The following KRTAP10-6 variants were observed in gnomAD, a reference collection of about 807,000 sequenced individuals.
The protein encoded by KRTAP10-6 is keratin associated protein 10-6, also known as keratin-associated protein 10-6.
KRTAP10-6 carries 1 observed loss-of-function variant against 0.5 expected under a neutral mutation model. That is an observed-to-expected ratio of 1.92 (90% CI 0.68 to 9.09). The LOEUF is 9.09. KRTAP10-6 is among the 30% of genes most tolerant of loss of function. KRTAP10-6 has a pLI of 0.13. For synonymous variants in KRTAP10-6, 136 were observed against 196.5 expected, an observed-to-expected ratio of 0.69 and a Z score of 2.58; for missense variants, 337 against 464.2, an observed-to-expected ratio of 0.73 and a Z score of 2.52.
chr21:44,592,471 G>T lies in KRTAP10-6; in HGVS notation c.14C>A (p.Thr5Asn), dbSNP rs1980042362. ...CAGGTCGCTGGAGCAGACGGACATGGTGGACGCGGCCATGCTGGGGTTGAA... is the reference window on the plus strand; with the variant it reads ...CAGGTCGCTGGAGCAGACGGACATGTTGGACGCGGCCATGCTGGGGTTGAA... MAAS[T>N]MSVCSSDLSY... Residue 5 changes from threonine to asparagine, a missense_variant, in exon 1 of 1, where the codon ACC (threonine) becomes AAC (asparagine). By Grantham distance (65) the Thr-to-Asn change is moderately conservative (BLOSUM62 0). Around this residue, in one of 3 missense-constraint regions of KRTAP10-6, gnomAD observed 32 missense variants for 30.6 expected, o/e 1.04. Coordinates refer to ENST00000400368, the MANE Select transcript of KRTAP10-6 (RefSeq NM_198688.3). 1 of 1,610,784 alleles carries T rather than the reference G, an allele frequency of 6.2e-7. No homozygotes were observed. The highest frequency in any genetic ancestry group is 1.1e-5 in the South Asian group (1 of 90,524).
rs1979802268 is a variant in KRTAP10-6, at chr21:44,591,286, C to T, written c.*101G>A. The T allele has an allele frequency of 6.7e-7, 1 of 1,482,108 alleles. No homozygotes were observed. The allele number at this position is 1,482,108 out of a possible 1,614,324, so 91.8% of individuals were successfully genotyped here. A position where few individuals can be genotyped will look rare whatever the true frequency, so the allele number is the denominator to read the frequency against. On this transcript the variant is annotated 3_prime_UTR_variant, in exon 1 of 1. Coordinates refer to ENST00000400368, the MANE Select transcript of KRTAP10-6 (RefSeq NM_198688.3). ...TGGTCCCTAAGACAAAGAGCCTGCC[C>T]CATCTTCTGAGGGTGTCAAAGCCAG...
Position 44,591,899 on chromosome 21 carries a change from A to G in KRTAP10-6, c.586T>C (p.Cys196Arg), listed in dbSNP as rs782429888. The stretch of plus-strand genomic sequence containing the variant: ...CAGGAGCTGGTGCAGCCTGATTGGC[A>G]GGGGCTGGGCTCACAGACCGCCTGG... The part of the protein sequence containing the change: ...CCQAVCEPSP[C>R]QSGCTSSCTP... The change falls in exon 1 of 1, where the codon TGC becomes CGC. Residue 196 changes from cysteine (C) to arginine (R), a missense_variant. Physicochemically the swap from Cys to Arg is radical, Grantham distance 180. Transcript: ENST00000400368. 1 of 1,603,880 alleles carries G rather than the reference A, an allele frequency of 6.2e-7. No individual in the cohort carries two copies. Among genetic ancestry groups the G allele is most frequent in the East Asian group, 2.3e-5 (1 of 44,170 alleles).
In KRTAP10-6 at chr21:44,591,913, C is replaced by G. The variant is rs1979922781; in HGVS notation, c.572G>C (p.Cys191Ser). Residue 191 changes from cysteine to serine, a missense_variant, in exon 1 of 1, where the codon TGT (cysteine) becomes TCT (serine). Physicochemically the swap from Cys to Ser is moderately radical, Grantham distance 112. Transcript: ENST00000400368. ...CVSSPCCQAV[C>S]EPSPCQSGCT... ...GCCTGATTGGCAGGGGCTGGGCTCACAGACCGCCTGGCAGCAGGGGCTGGA... is the reference window on the plus strand; with the variant it reads ...GCCTGATTGGCAGGGGCTGGGCTCAGAGACCGCCTGGCAGCAGGGGCTGGA... 3.1e-6 allele frequency: 5 copies of G among 1,606,490 alleles called. No individual in the cohort carries two copies. Among genetic ancestry groups the G allele is most frequent in the Admixed American group, 1.7e-5 (1 of 59,160 alleles).
In KRTAP10-6 at chr21:44,592,259, G is replaced by A. The variant is rs782514096; in HGVS notation, c.226C>T (p.Pro76Ser). The A allele has an allele frequency of 1.3e-6, 2 of 1,591,498 alleles. No individual in the cohort carries two copies. The highest frequency in any genetic ancestry group is 2.2e-5 in the South Asian group (2 of 90,048). Residue 76 changes from proline (P) to serine (S), a missense_variant, in exon 1 of 1, where the codon CCC becomes TCC. Physicochemically the swap from Pro to Ser is moderately conservative, Grantham distance 74. Transcript: ENST00000400368. ...GAGCTGGTGCAGCCTGATTGGCAGG[G>A]GCTGGGCTCACAGGTCACTGGGCAG... ...PCCPVTCEPS[P>S]CQSGCTSSCT...
Position 44,592,449 on chromosome 21 carries a change from G to C in KRTAP10-6, c.36C>G (p.Asp12Glu), listed in dbSNP as rs145062212. 1 of 1,611,458 alleles carries C rather than the reference G, an allele frequency of 6.2e-7. No homozygotes were observed. Among genetic ancestry groups the C allele is most frequent in the South Asian group, 1.1e-5 (1 of 90,680 alleles). Residue 12 changes from aspartate (D) to glutamate (E), a missense_variant, in exon 1 of 1, where the codon GAC becomes GAG. Asp to Glu is a conservative substitution (Grantham distance 45). Transcript: ENST00000400368. ...GGCAGACGCGGCTGCCGTAGCTCAG[G>C]TCGCTGGAGCAGACGGACATGGTGG... ...AASTMSVCSSDLSYGSRVCLP... is the reference protein window; with the variant it reads ...AASTMSVCSSELSYGSRVCLP...
Position 44,591,586 on chromosome 21 carries a change from G to T in KRTAP10-6, c.899C>A (p.Ser300Tyr). 1.2e-6 allele frequency: 2 copies of T among 1,613,174 alleles called. No individual in the cohort carries two copies. Among genetic ancestry groups the T allele is most frequent in the Non-Finnish European group, 1.7e-6 (2 of 1,179,502 alleles). Residue 300 changes from serine to tyrosine, a missense_variant, in exon 1 of 1, where the codon TCC becomes TAC. Physicochemically the swap from Ser to Tyr is moderately radical, Grantham distance 144. Transcript: ENST00000400368. ...PACCTASCCR[S>Y]SSSVSLLCHP... ...GCAGAGGAGGGACACGGAGGAGGAG[G>T]ATCTGCAGCAGGAGGCGGTGCAGCA... is the stretch of plus-strand genomic sequence containing the variant.
rs73907038 is a variant in KRTAP10-6 at position 44,592,490 on chromosome 21, G to A, written c.-6C>T. 6,874 of 1,604,068 alleles carry A rather than the reference G, an allele frequency of 4.3e-3. 250 individuals are homozygous for A. The African/African-American group carries it at 0.081, about 19-fold the overall frequency. On this transcript the variant is annotated 5_prime_UTR_variant, in exon 1 of 1. Transcript: ENST00000400368. ...GACATGGTGGACGCGGCCATGCTGGGGTTGAACTGGTGGAGGGTGAGGGAG... is the reference window on the plus strand; with the variant it reads ...GACATGGTGGACGCGGCCATGCTGGAGTTGAACTGGTGGAGGGTGAGGGAG...
Position 44,591,630 on chromosome 21 carries a change from C to T in KRTAP10-6, c.855G>A (p.Gln285=). Residue 285 remains glutamine (Q), a synonymous_variant, in exon 1 of 1, where the codon CAG becomes CAA. Coordinates refer to ENST00000400368, the MANE Select transcript of KRTAP10-6 (RefSeq NM_198688.3). ...CSGASTSCCQ[Q]SSCQPACCTA... is the part of the protein sequence containing the mutation. ...TGCAGCAAGCCGGCTGGCAGCTAGACTGCTGGCAGCATGATGTGGAAGCCC... is the reference window on the plus strand; with the variant it reads ...TGCAGCAAGCCGGCTGGCAGCTAGATTGCTGGCAGCATGATGTGGAAGCCC... 1 of 1,613,774 alleles carries T rather than the reference C, an allele frequency of 6.2e-7. No individual in the cohort carries two copies. The highest frequency in any genetic ancestry group is 1.3e-5 in the African/African-American group (1 of 74,978).
rs1555926856 is a variant in KRTAP10-6 at position 44,592,224 on chromosome 21, G to C, written c.261C>G (p.Pro87=). The C allele has an allele frequency of 1.2e-6, 2 of 1,602,772 alleles. No individual in the cohort carries two copies. The highest frequency in any genetic ancestry group is 2.2e-5 in the East Asian group (1 of 44,590). Residue 87 remains proline (P), a synonymous_variant, in exon 1 of 1, where the codon CCC becomes CCG. Transcript: ENST00000400368. Reference sequence around the variant, plus strand: ...GGCAGCTAGACTGCTGGCAGCACGAGGGCGTGCAGGAGCTGGTGCAGCCTG... The same window carrying C: ...GGCAGCTAGACTGCTGGCAGCACGACGGCGTGCAGGAGCTGGTGCAGCCTG... ...CQSGCTSSCT[P]SCCQQSSCQL... is the part of the protein sequence containing the mutation.
In KRTAP10-6 at chr21:44,591,967, C is replaced by T; in HGVS notation, c.518G>A (p.Cys173Tyr). The T allele has an allele frequency of 6.2e-7, 1 of 1,604,744 alleles. No homozygotes were observed. The highest frequency in any genetic ancestry group is 1.1e-5 in the South Asian group (1 of 90,786). ...PVCSGISSSC[C>Y]QQSSCVSCVS... is the part of the protein sequence containing the mutation. ...ACAGCTCACACAGCTAGACTGCTGG[C>T]AGCACGAAGAGGAAATCCCAGAGCA... Residue 173 changes from cysteine to tyrosine, a missense_variant, in exon 1 of 1, where the codon TGC (cysteine) becomes TAC (tyrosine). Around this residue, in one of 3 missense-constraint regions of KRTAP10-6, gnomAD observed 87 missense variants for 208.2 expected, o/e 0.42. Coordinates refer to ENST00000400368, the MANE Select transcript of KRTAP10-6 (RefSeq NM_198688.3).
At position 44,591,952 on chromosome 21, in the gene KRTAP10-6, C is replaced by G; in HGVS notation, c.533G>C (p.Cys178Ser). The change falls in exon 1 of 1, where the codon TGT (cysteine) becomes TCT (serine). Residue 178 changes from cysteine to serine, a missense_variant. Cys to Ser is a moderately radical substitution (Grantham distance 112, BLOSUM62 -1). This residue lies in a region of KRTAP10-6 where 87 missense variants were observed against 208.2 expected (regional missense o/e 0.42). Transcript: ENST00000400368. ...ISSSCCQQSS[C>S]VSCVSSPCCQ... ...GCAGGGGCTGGACACACAGCTCACA[C>G]AGCTAGACTGCTGGCAGCACGAAGA... 1.2e-6 allele frequency: 2 copies of G among 1,607,308 alleles called. No homozygotes were observed. Among genetic ancestry groups the G allele is most frequent in the Non-Finnish European group, 1.7e-6 (2 of 1,178,800 alleles).
In KRTAP10-6 at chr21:44,591,583, G is replaced by A. The variant is rs1555926565; in HGVS notation, c.902C>T (p.Ser301Phe). The A allele has an allele frequency of 1.2e-6, 2 of 1,613,282 alleles. No individual in the cohort carries two copies. Among genetic ancestry groups the A allele is most frequent in the South Asian group, 2.2e-5 (2 of 90,996 alleles). ...GTGGCAGAGGAGGGACACGGAGGAGGAGGATCTGCAGCAGGAGGCGGTGCA... is the reference window on the plus strand; with the variant it reads ...GTGGCAGAGGAGGGACACGGAGGAGAAGGATCTGCAGCAGGAGGCGGTGCA... ...ACCTASCCRS[S>F]SSVSLLCHPV... is the part of the protein sequence containing the mutation. Residue 301 changes from serine (S) to phenylalanine (F), a missense_variant, in exon 1 of 1, where the codon TCC (serine) becomes TTC (phenylalanine). Ser to Phe is a radical substitution (Grantham distance 155, BLOSUM62 -2). Coordinates refer to ENST00000400368, the MANE Select transcript of KRTAP10-6 (RefSeq NM_198688.3).
Position 44,591,302 on chromosome 21 carries a change from T to A in KRTAP10-6, c.*85A>T. 1 of 1,506,594 alleles carries A rather than the reference T, an allele frequency of 6.6e-7. No individual in the cohort carries two copies. The highest frequency in any genetic ancestry group is 2.2e-5 in the Admixed American group (1 of 46,012). 93.3% of individuals were successfully genotyped at this position (1,506,594 alleles called of 1,614,324 possible). A position where few individuals can be genotyped will look rare whatever the true frequency, so the allele number is the denominator to read the frequency against. ...GAGCCTGCCCCATCTTCTGAGGGTGTCAAAGCCAGAGAGGGCAGAGCTTGC... is the reference window on the plus strand; with the variant it reads ...GAGCCTGCCCCATCTTCTGAGGGTGACAAAGCCAGAGAGGGCAGAGCTTGC... On this transcript the variant is annotated 3_prime_UTR_variant, in exon 1 of 1. Coordinates refer to ENST00000400368, the MANE Select transcript of KRTAP10-6 (RefSeq NM_198688.3).
At chr21:44,592,337 C>CG in the KRTAP10-6 span, 1 of 396,678 alleles carries the variant, frequency 2.5e-6, no homozygotes. Context: ...AGGCAGGGGG[C>CG]CGGGGCGCAG....
rs782444727 is a variant in KRTAP10-6 at position 44,591,950 on chromosome 21, C to T, written c.535G>A (p.Val179Met). ...SSSCCQQSSC[V>M]SCVSSPCCQA... is the part of the protein sequence containing the mutation. The stretch of plus-strand genomic sequence containing the variant: ...CAGCAGGGGCTGGACACACAGCTCA[C>T]ACAGCTAGACTGCTGGCAGCACGAA... The change falls in exon 1 of 1, where the codon GTG becomes ATG. Residue 179 changes from valine to methionine, a missense_variant. Physicochemically the swap from Val to Met is conservative, Grantham distance 21 (BLOSUM62 1). Transcript: ENST00000400368. 9 of 1,599,404 alleles carry T rather than the reference C, an allele frequency of 5.6e-6. No homozygotes were observed. In the East Asian group the frequency reaches 1.8e-4, roughly 32 times the overall value.
In KRTAP10-6 at chr21:44,591,810, C is replaced by T. The variant is rs782122678; in HGVS notation, c.675G>A (p.Gln225=). The T allele has an allele frequency of 1.3e-6, 2 of 1,597,758 alleles. No homozygotes were observed. The highest frequency in any genetic ancestry group is 1.4e-5 in the African/African-American group (1 of 71,048). Residue 225 remains glutamine (Q), a synonymous_variant, in exon 1 of 1, where the codon CAG becomes CAA. Coordinates refer to ENST00000400368, the MANE Select transcript of KRTAP10-6 (RefSeq NM_198688.3). ...QPTCCTSSPC[Q]QACCVPVCCV... ...AGCAGACGGGCACGCAGCAGGCCTG[C>T]TGGCAGGGGGAGGAGGTGCAGCAAG...
chr21:44,591,633 C>T lies in KRTAP10-6; in HGVS notation c.852G>A (p.Gln284=), dbSNP rs1555926579. 1 of 1,613,726 alleles carries T rather than the reference C, an allele frequency of 6.2e-7. No homozygotes were observed. The highest frequency in any genetic ancestry group is 8.5e-7 in the Non-Finnish European group (1 of 1,179,810). The change falls in exon 1 of 1, where the codon CAG becomes CAA. Residue 284 remains glutamine, a synonymous_variant. Transcript: ENST00000400368. The stretch of plus-strand genomic sequence containing the variant: ...AGCAAGCCGGCTGGCAGCTAGACTG[C>T]TGGCAGCATGATGTGGAAGCCCCAG... ...VCSGASTSCC[Q]QSSCQPACCT...
Position 44,591,429 on chromosome 21 carries a change from A to C in KRTAP10-6, c.1056T>G (p.Pro352=), listed in dbSNP as rs587638581. 440 of 1,613,450 alleles carry C rather than the reference A, an allele frequency of 2.7e-4. 1 individual carries two copies. In the East Asian group the frequency reaches 7.7e-3, roughly 28 times the overall value. ...GGCCAGAGCAGAGGCTGTAGCAGGC[A>C]GGGCGGGAGCACATGGGGCGGCAGA... ...SLLCRPMCSR[P]ACYSLCSGQK... is the part of the protein sequence containing the mutation. The change falls in exon 1 of 1, where the codon CCT becomes CCG. Residue 352 remains proline, a synonymous_variant. Coordinates refer to ENST00000400368, the MANE Select transcript of KRTAP10-6 (RefSeq NM_198688.3).
In KRTAP10-6 at chr21:44,591,647, T is replaced by C; in HGVS notation, c.838A>G (p.Thr280Ala). ...CCVPVCSGAS[T>A]SCCQQSSCQP... Reference sequence around the variant, plus strand: ...CAGCTAGACTGCTGGCAGCATGATGTGGAAGCCCCAGAGCAGACGGGCACA... The same window carrying C: ...CAGCTAGACTGCTGGCAGCATGATGCGGAAGCCCCAGAGCAGACGGGCACA... The change falls in exon 1 of 1, where the codon ACA becomes GCA. Residue 280 changes from threonine to alanine, a missense_variant. By Grantham distance (58) the Thr-to-Ala change is moderately conservative (BLOSUM62 0). Coordinates refer to ENST00000400368, the MANE Select transcript of KRTAP10-6 (RefSeq NM_198688.3). 1 of 1,606,920 alleles carries C rather than the reference T, an allele frequency of 6.2e-7. No homozygotes were observed. Among genetic ancestry groups the C allele is most frequent in the Non-Finnish European group, 8.5e-7 (1 of 1,177,480 alleles).
Sources: gnomAD v4.1 joint callset for allele counts on GRCh38, gnomAD v4.1.1 for gene constraint, gnomAD v4.1.1 regional missense constraint, MANE v1.5 for transcripts, NCBI Gene and HGNC (gene_info 2026-07-23, HGNC 2026-07-21) for gene names.